ACSM3: variants seen among roughly 807,000 people sequenced by gnomAD.
ACSM3 encodes the protein acyl-coenzyme A synthetase ACSM3, mitochondrial.
In ACSM3, 61 loss-of-function variants were observed where a neutral mutation model predicts 74.1. The observed-to-expected ratio is 0.82, with a 90% confidence interval of 0.67 to 1.02. ACSM3 has a LOEUF of 1.02. Ranked by LOEUF, ACSM3 falls within the 50% of genes least tolerant of loss-of-function variation. ACSM3 has a pLI of 0.00. For missense variants in ACSM3, 660 were observed against 697.0 expected (o/e 0.95, Z 0.60); for synonymous variants, 213 against 241.5 (o/e 0.88, Z 1.09).
At chr16:20,742,089 C>A in intron 1 of ACSM3, 1 of 1,299,366 alleles carries the variant, frequency 7.7e-7, no homozygotes, top group Non-Finnish European at 9.9e-7. Context: ...GTTCCTCCAG[C>A]CTTCCCTATA....
At chr16:20,789,984 T>C (rs2152484137) in intron 9 of ACSM3, among the ~76,000 whole-genome samples, 1 of 151,898 alleles carries the variant, frequency 6.6e-6, no homozygotes, top group Non-Finnish European at 1.5e-5. Flanking sequence ...AGCAATCCTA[T>C]TTTTCGATTT....
intron 1 of ACSM3, among the ~76,000 whole-genome samples, chr16:20,683,042 C>G (rs2079478203): frequency 6.6e-6 from 1 of 152,168 alleles, no homozygotes. Context: ...CTTCCTGCTA[C>G]CCATCTTCCA....
intron 1 of ACSM3, among the ~76,000 whole-genome samples, chr16:20,683,971 C>T (rs940506054): frequency 2.0e-5 from 3 of 152,066 alleles, no homozygotes; most frequent in Non-Finnish European, 4.4e-5. Context: ...TTCACATGAT[C>T]TGGCTGAATG....
At chr16:20,712,116 C>T (rs1369276961) in intron 1 of ACSM3, among the ~76,000 whole-genome samples, 4 of 152,124 alleles carry the variant, frequency 2.6e-5, no homozygotes, top group Admixed American at 6.6e-5. Context: ...ACCCCAGCCT[C>T]GCAAGTAGCT....
intron 1 of ACSM3, chr16:20,680,472 T>C (rs998129611): frequency 7.2e-5 from 11 of 152,206 alleles, no homozygotes; most frequent in South Asian, 2.1e-4. Context: ...GTGGAGGAAC[T>C]AATATGGGGA....
intron 2 of ACSM3, among the ~76,000 whole-genome samples, chr16:20,751,687 G>GT (rs2079990053): frequency 6.6e-6 from 1 of 152,142 alleles, no homozygotes; most frequent in Non-Finnish European, 1.5e-5. Context: ...GGGAGCCAGG[G>GT]TCTCTTGGGA....
In ACSM3 at chr16:20,721,848, C is replaced by T. The variant is rs2079786777; in HGVS notation, c.-189-28062C>T. The T allele has an allele frequency of 4.6e-5, 7 of 152,184 alleles. No individual in the cohort carries two copies. In the South Asian group the frequency reaches 1.5e-3, roughly 32 times the overall value. 9.4% of individuals were successfully genotyped at this position (152,184 alleles called of 1,614,324 possible). ...AGTAGGAAAGATATAATTCCTACAC[C>T]CTCTCATTCAATGAAGAGCTGAAAG... is the stretch of plus-strand genomic sequence containing the variant. On this transcript the variant is annotated intron_variant, in intron 1 of 3. Transcript: ENST00000561584.
chr16:20,748,145 AAAT>A, intron 1 of ACSM3, among the ~76,000 whole-genome samples: 2 of 25,656 alleles, frequency 7.8e-5, no homozygotes, highest in South Asian at 3.5e-3. Flanking sequence ...CTCAAAAAAT[AAAT>A]AAATAAATAA....
chr16:20,740,224 G>A (rs2079905118), intron 1 of ACSM3, among the ~76,000 whole-genome samples: 2 of 152,074 alleles, frequency 1.3e-5, no homozygotes, highest in South Asian at 2.1e-4. Context: ...CTGAGAACCC[G>A]TCTCTACAAA....
rs1166063614 is a variant in ACSM3 at position 20,770,186 on chromosome 16, A to G, written c.152A>G (p.Lys51Arg). 18 of 1,614,106 alleles carry G rather than the reference A, an allele frequency of 1.1e-5. No individual in the cohort carries two copies. The highest frequency in any genetic ancestry group is 1.5e-5 in the Non-Finnish European group (18 of 1,180,032). Reference sequence around the variant, plus strand: ...TATGAATCCATGAAACAGGACTTCAAACTGGGGATTCCAGAGTATTTCAAC... The same window carrying G: ...TATGAATCCATGAAACAGGACTTCAGACTGGGGATTCCAGAGTATTTCAAC... ...SNYESMKQDF[K>R]LGIPEYFNFA... The change falls in exon 2 of 14, where the codon AAA becomes AGA. Residue 51 changes from lysine (K) to arginine (R), a missense_variant. Lys to Arg is a conservative substitution (Grantham distance 26). Transcript: ENST00000289416.
At chr16:20,730,759 T>C (rs1485129568) in intron 1 of ACSM3, among the ~76,000 whole-genome samples, 1 of 152,216 alleles carries the variant, frequency 6.6e-6, no homozygotes, top group African/African-American at 2.4e-5. Context: ...AATTATCTAA[T>C]TGGTAGGTTT....
chr16:20,732,213 A>C (rs539971324), intron 1 of ACSM3, among the ~76,000 whole-genome samples: 15 of 152,326 alleles, frequency 9.8e-5, no homozygotes, highest in African/African-American at 3.6e-4. Flanking sequence ...ATACTATATA[A>C]AGACATGAAG....
intron 1 of ACSM3, among the ~76,000 whole-genome samples, chr16:20,742,378 C>T (rs2079935148): frequency 6.6e-6 from 1 of 152,016 alleles, no homozygotes; most frequent in South Asian, 2.1e-4. Context: ...CCAGGGTCGG[C>T]CGGGCACGGT....
At chr16:20,768,933 G>T (rs1270086983) in intron 1 of ACSM3, among the ~76,000 whole-genome samples, 1 of 152,178 alleles carries the variant, frequency 6.6e-6, no homozygotes, top group Non-Finnish European at 1.5e-5. Context: ...CAGGTTTCCT[G>T]ATGCATCGGT....
chr16:20,728,887 G>A (rs542479332), intron 1 of ACSM3, among the ~76,000 whole-genome samples: 4 of 152,094 alleles, frequency 2.6e-5, no homozygotes, highest in Non-Finnish European at 5.9e-5. Context: ...TGGGAGGGTG[G>A]CTTGGGCCCA....
intron 1 of ACSM3, among the ~76,000 whole-genome samples, chr16:20,697,470 C>T (rs1458425984): frequency 6.6e-6 from 1 of 151,228 alleles, no homozygotes; most frequent in Non-Finnish European, 1.5e-5. Context: ...TGTCATTTTG[C>T]CTCTAAAATG....
At chr16:20,780,689 A>G (rs1183387021) in intron 4 of ACSM3, 25 bp from the exon 5 acceptor site, 2 of 1,614,226 alleles carry the variant, frequency 1.2e-6, no homozygotes, top group Non-Finnish European at 1.7e-6. Flanking sequence ...TTTAACATGC[A>G]GTCATTGTAG....
chr16:20,750,026 G>A (rs1368192075), intron 2 of ACSM3: 2 of 152,224 alleles, frequency 1.3e-5, no homozygotes, highest in Non-Finnish European at 2.9e-5. Flanking sequence ...CTGGGTTTGA[G>A]ATTTAAATTT....
intron 1 of ACSM3, among the ~76,000 whole-genome samples, chr16:20,714,779 C>A (rs949745968): frequency 6.6e-6 from 1 of 152,060 alleles, no homozygotes; most frequent in African/African-American, 2.4e-5. Flanking sequence ...ATTCAAATGT[C>A]TAGCAGGTGG....
Sources: gnomAD v4.1 joint callset for allele counts (sites outside exome capture counted in the v4.1 genomes callset) on GRCh38, gnomAD v4.1.1 for gene constraint, MANE v1.5 for transcripts, NCBI Gene and HGNC (gene_info 2026-07-23, HGNC 2026-07-21) for gene names.